ZFYVE26: variants seen among roughly 807,000 people sequenced by gnomAD.
The protein encoded by ZFYVE26 is zinc finger FYVE-type containing 26.
In ZFYVE26, 181 loss-of-function variants were observed where a neutral mutation model predicts 276.5. That is an observed-to-expected ratio of 0.65 (90% CI 0.58 to 0.74). The LOEUF is 0.74. Among genes scored for constraint, ZFYVE26 ranks in the 30% least tolerant of loss-of-function variants. The pLI, the probability that ZFYVE26 is intolerant of heterozygous loss-of-function variation, is 0.00. For missense variants in ZFYVE26, 2,821 were observed against 3,097.9 expected (o/e 0.91, Z 2.12); for synonymous variants, 1,129 against 1,203.1 (o/e 0.94, Z 1.27).
At chr14:67,774,498 C>CA (rs56982643) in intron 27 of ZFYVE26, among the ~76,000 whole-genome samples, 90,814 of 148,414 alleles carry the variant, frequency 0.61, 28,544 homozygotes, top group East Asian at 0.92. Flanking sequence ...GACTCCGTCT[C>CA]AAAAAAAAAA....
downstream of ZFYVE26, among the ~76,000 whole-genome samples, chr14:67,745,195 TG>T (rs2038466861): frequency 6.6e-6 from 1 of 152,248 alleles, no homozygotes; most frequent in African/African-American, 2.4e-5. Flanking sequence ...GTTTGTTGGC[TG>T]CATAAATGTC....
At chr14:67,731,819 G>T (rs1245528842) in intron 13 of ZFYVE26, among the ~76,000 whole-genome samples, 1 of 151,816 alleles carries the variant, frequency 6.6e-6, no homozygotes, top group Non-Finnish European at 1.5e-5. Flanking sequence ...TTTTATTCTA[G>T]GTGTTTTTTT....
At chr14:67,788,042 G>A (rs1159593240) in intron 16 of ZFYVE26, among the ~76,000 whole-genome samples, 2 of 152,092 alleles carry the variant, frequency 1.3e-5, no homozygotes, top group Admixed American at 1.3e-4. Context: ...TTAGGAATCT[G>A]GAATTTGCTA....
At chr14:67,775,823 T>C (rs1350436788) in intron 26 of ZFYVE26, 37 bp downstream of exon 26, 29 of 1,613,806 alleles carry the variant, frequency 1.8e-5, no homozygotes, top group Non-Finnish European at 2.5e-5. Context: ...CATTTCTTCC[T>C]CCATGTAGAA....
At chr14:67,742,431 A>G (rs2038425010), downstream of ZFYVE26, among the ~76,000 whole-genome samples, 1 of 152,244 alleles carries the variant, frequency 6.6e-6, no homozygotes, top group South Asian at 2.1e-4. Flanking sequence ...ATAATAAAAA[A>G]TCTTTCAAGT....
At chr14:67,772,491 C>T (rs2039238350) in intron 27 of ZFYVE26, among the ~76,000 whole-genome samples, 1 of 152,174 alleles carries the variant, frequency 6.6e-6, no homozygotes, top group East Asian at 1.9e-4. Flanking sequence ...CCTGGAAATT[C>T]TGGGGATGAA....
At chr14:67,770,561 C>G (rs2039183469) in intron 28 of ZFYVE26, 1 of 151,680 alleles carries the variant, frequency 6.6e-6, no homozygotes, top group South Asian at 2.1e-4. Context: ...TTCAGAATGT[C>G]TCATCAGTCT....
intron 10 of ZFYVE26, chr14:67,799,544 G>A (rs887076365): frequency 9.7e-6 from 15 of 1,539,636 alleles, no homozygotes; most frequent in East Asian, 6.7e-5. Flanking sequence ...TCAGATGGAA[G>A]CAAAGTACTG....
Position 67,806,556 on chromosome 14 carries a change from C to T in ZFYVE26, c.1006G>A (p.Glu336Lys), listed in dbSNP as rs1223040138. 10 of 1,614,030 alleles carry T rather than the reference C, an allele frequency of 6.2e-6. No homozygotes were observed. The highest frequency in any genetic ancestry group is 6.8e-6 in the Non-Finnish European group (8 of 1,180,006). ...TAAGCTTGACTTACCAGAATCTGCTCGAGGAAGTGTTTGTTGTTGCTCAGG... is the reference window on the plus strand; with the variant it reads ...TAAGCTTGACTTACCAGAATCTGCTTGAGGAAGTGTTTGTTGTTGCTCAGG... ...YCLSNNKHFLEQILVTALTLL... is the reference protein window; with the variant it reads ...YCLSNNKHFLKQILVTALTLL... The change falls in exon 6 of 42, where the codon GAG (glutamate) becomes AAG (lysine). Residue 336 changes from glutamate (E) to lysine (K), a missense_variant. Glu to Lys is a moderately conservative substitution (Grantham distance 56). Coordinates refer to ENST00000347230, the MANE Select transcript of ZFYVE26 (RefSeq NM_015346.4).
intron 25 of ZFYVE26, among the ~76,000 whole-genome samples, chr14:67,777,174 T>A (rs75440399): frequency 0.055 from 8,375 of 152,262 alleles, 511 homozygotes; most frequent in African/African-American, 0.15. Flanking sequence ...TGATCTGGGG[T>A]AGAGGTGAAT....
intron 39 of ZFYVE26, 119 bp from the exon 40 acceptor site, chr14:67,752,645 CA>C (rs374309859): frequency 4.6e-6 from 5 of 1,089,390 alleles, no homozygotes; most frequent in African/African-American, 1.5e-5. Flanking sequence ...ATTGTGGTCA[CA>C]GTAGAAAACA....
chr14:67,739,010 C>T (rs187848997), intron 13 of ZFYVE26, among the ~76,000 whole-genome samples: 1 of 152,316 alleles, frequency 6.6e-6, no homozygotes, highest in East Asian at 1.9e-4. Context: ...TTCTGATGGG[C>T]TGCCAGGGCT....
chr14:67,736,006 GT>G (rs2038348678), intron 13 of ZFYVE26, among the ~76,000 whole-genome samples: 1 of 152,138 alleles, frequency 6.6e-6, no homozygotes, highest in East Asian at 1.9e-4. Context: ...GATATACCTT[GT>G]GTATTTGGTC....
At chr14:67,732,948 A>T (rs1421280605) in intron 13 of ZFYVE26, among the ~76,000 whole-genome samples, 2 of 152,056 alleles carry the variant, frequency 1.3e-5, no homozygotes, top group Non-Finnish European at 2.9e-5. Flanking sequence ...TTATAATTAG[A>T]AAAAAGGAAC....
chr14:67,791,420 T>A (rs1851413824), intron 14 of ZFYVE26, among the ~76,000 whole-genome samples: 1 of 152,178 alleles, frequency 6.6e-6, no homozygotes, highest in Admixed American at 6.5e-5. Context: ...AGACAAATGC[T>A]AATATTAAAA....
rs747594833 is a variant in ZFYVE26, at chr14:67,797,675, C to T, written c.2329G>A (p.Ala777Thr). ...RRGRRTRRSQ[A>T]DGRDRGSNPS... Reference sequence around the variant, plus strand: ...GGGAATGAGCTCTTCAGATTACCTGCCTGGCTCCTTCTTGTCCGACGACCC... The same window carrying T: ...GGGAATGAGCTCTTCAGATTACCTGTCTGGCTCCTTCTTGTCCGACGACCC... Residue 777 changes from alanine (A) to threonine (T), a missense_variant, in exon 12 of 42, where the codon GCA becomes ACA. Transcript: ENST00000347230. 3 of 1,614,032 alleles carry T rather than the reference C, an allele frequency of 1.9e-6. No individual in the cohort carries two copies. In the Admixed American group the frequency reaches 5.0e-5, roughly 27 times the overall value.
At position 67,805,442 on chromosome 14, in the gene ZFYVE26, A is replaced by C. The variant is rs867002708; in HGVS notation, c.1182+12T>G. The C allele has an allele frequency of 1.2e-6, 2 of 1,614,144 alleles. No individual in the cohort carries two copies. Among genetic ancestry groups the C allele is most frequent in the African/African-American group, 1.3e-5 (1 of 75,042 alleles). On this transcript the variant is annotated intron_variant, in intron 7 of 41. Coordinates refer to ENST00000347230, the MANE Select transcript of ZFYVE26 (RefSeq NM_015346.4). ...ACTTCCAGAGCAGCCTGGGATGCTG[A>C]GTGAGAGTTACCTGGGTCCTGTGCA...
Position 67,762,245 on chromosome 14 carries a change from C to G in ZFYVE26, c.6327G>C (p.Val2109=). ...TCACTGTGGACTCTAGGTACTCAACCACATCCTGCACCAGCCTTGAGCCAT... is the reference window on the plus strand; with the variant it reads ...TCACTGTGGACTCTAGGTACTCAACGACATCCTGCACCAGCCTTGAGCCAT... The part of the protein sequence containing the change: ...LNHGSRLVQD[V]VEYLESTVRP... The change falls in exon 34 of 42, where the codon GTG becomes GTC. Residue 2109 remains valine (V), a synonymous_variant. Coordinates refer to ENST00000347230, the MANE Select transcript of ZFYVE26 (RefSeq NM_015346.4). 6.2e-7 allele frequency: 1 copy of G among 1,614,110 alleles called. No homozygotes were observed. The highest frequency in any genetic ancestry group is 8.5e-7 in the Non-Finnish European group (1 of 1,180,014).
chr14:67,769,514 A>G, intron 29 of ZFYVE26, 80 bp downstream of exon 29: 6 of 1,592,910 alleles, frequency 3.8e-6, no homozygotes, highest in African/African-American at 1.3e-5. Flanking sequence ...TGCTCTCATA[A>G]TGAGACTCCT....
Sources: allele counts gnomAD v4.1 joint callset (sites outside exome capture counted in the v4.1 genomes callset), GRCh38; gene constraint gnomAD v4.1.1; transcripts MANE v1.5; gene names NCBI Gene and HGNC (gene_info 2026-07-23, HGNC 2026-07-21).